The following UMODL1 variants were observed in gnomAD, a reference collection of about 807,000 sequenced individuals.
UMODL1 encodes uromodulin like 1, also known as uromodulin-like 1.
A neutral mutation model predicts 136.3 loss-of-function variants in UMODL1; 128 were observed. The ratio of observed to expected loss-of-function variants is 0.94; its 90% CI spans 0.81 to 1.09. UMODL1 has a LOEUF of 1.09. Ranked by LOEUF, UMODL1 falls within the 50% of genes least tolerant of loss-of-function variation. The pLI is 0.00. For missense variants in UMODL1, 1,766 were observed against 1,725.6 expected, an observed-to-expected ratio of 1.02 and a Z score of -0.41; for synonymous variants, 721 against 720.0, an observed-to-expected ratio of 1.00 and a Z score of -0.02.
chr21:42,128,459 C>T (rs1419014390), intron 20 of UMODL1, among the ~76,000 whole-genome samples: 1 of 152,174 alleles, frequency 6.6e-6, no homozygotes, highest in Non-Finnish European at 1.5e-5. Context: ...TGACCGAATG[C>T]TTCTCTCTCC....
At chr21:42,074,356 T>C (rs1041533658) in intron 1 of UMODL1, among the ~76,000 whole-genome samples, 1 of 152,236 alleles carries the variant, frequency 6.6e-6, no homozygotes, top group Non-Finnish European at 1.5e-5. Flanking sequence ...CCACTTTAAC[T>C]TGATACCCTC....
chr21:42,140,051 C>G (rs930249406), intron 22 of UMODL1, among the ~76,000 whole-genome samples: 2 of 152,130 alleles, frequency 1.3e-5, no homozygotes, highest in Non-Finnish European at 2.9e-5. Flanking sequence ...TCTCTGGGCC[C>G]CATTTCCTCA....
At chr21:42,088,817 G>C (rs111510648) in intron 5 of UMODL1, among the ~76,000 whole-genome samples, 1 of 151,874 alleles carries the variant, frequency 6.6e-6, no homozygotes, top group Non-Finnish European at 1.5e-5. Flanking sequence ...GGACACTGGA[G>C]TGCAAATCCC....
Position 42,109,637 on chromosome 21 carries a change from A to G in UMODL1, c.1595A>G (p.Tyr532Cys). 1 of 1,609,500 alleles carries G rather than the reference A, an allele frequency of 6.2e-7. No individual in the cohort carries two copies. The highest frequency in any genetic ancestry group is 8.5e-7 in the Non-Finnish European group (1 of 1,179,940). ...TGGTGCATCAACCTGGAGGGCTCCTACACCTGCCAGTGCCGTACCACCAGG... is the reference window on the plus strand; with the variant it reads ...TGGTGCATCAACCTGGAGGGCTCCTGCACCTGCCAGTGCCGTACCACCAGG... ...AAWCINLEGS[Y>C]TCQCRTTRDA... The change falls in exon 10 of 23, where the codon TAC becomes TGC. Residue 532 changes from tyrosine to cysteine, a missense_variant. Transcript: ENST00000408910.
intron 1 of UMODL1, among the ~76,000 whole-genome samples, chr21:42,075,453 C>T (rs2066279817): frequency 6.6e-6 from 1 of 152,176 alleles, no homozygotes; most frequent in African/African-American, 2.4e-5. Flanking sequence ...ACTTATCTTC[C>T]ACCTCATTGA....
chr21:42,076,679 G>C (rs560490928), intron 2 of UMODL1, among the ~76,000 whole-genome samples: 1 of 152,206 alleles, frequency 6.6e-6, no homozygotes, highest in Non-Finnish European at 1.5e-5. Flanking sequence ...CTGAGTGTGA[G>C]AGCCAGCACT....
At chr21:42,117,277 C>G (rs1254651866) in intron 14 of UMODL1, among the ~76,000 whole-genome samples, 1 of 152,238 alleles carries the variant, frequency 6.6e-6, no homozygotes, top group Non-Finnish European at 1.5e-5. Flanking sequence ...CATGTGTCAG[C>G]ACTGGATTCC....
intron 8 of UMODL1, chr21:42,103,453 C>T (rs2066662953): frequency 2.8e-6 from 1 of 356,608 alleles, no homozygotes; most frequent in Non-Finnish European, 5.6e-6. Flanking sequence ...GGGATACAGC[C>T]TAGTAAGAGG....
intron 2 of UMODL1, among the ~76,000 whole-genome samples, chr21:42,080,065 A>G (rs1601182294): frequency 6.6e-6 from 1 of 152,194 alleles, no homozygotes; most frequent in East Asian, 1.9e-4. Context: ...CAGAGACACC[A>G]TGCTGGTGGT....
rs1311155427 is a variant in UMODL1 at position 42,103,848 on chromosome 21, T to C, written c.1300-20T>C. 3 of 1,614,008 alleles carry C rather than the reference T, an allele frequency of 1.9e-6. No homozygotes were observed. On this transcript the variant is annotated intron_variant, in intron 8 of 22. Transcript: ENST00000408910. ...CGTGAAGACGTTGATGGATGTCTGC[T>C]GTTGCCTCTTCTTGGCTAGGTCGAG...
At chr21:42,069,987 C>G (rs2066215596), upstream of UMODL1, among the ~76,000 whole-genome samples, 1 of 152,170 alleles carries the variant, frequency 6.6e-6, no homozygotes. Context: ...TCCAAGGACA[C>G]CCGTTGTACG....
intron 2 of UMODL1, among the ~76,000 whole-genome samples, chr21:42,078,813 A>G (rs2066326094): frequency 6.6e-6 from 1 of 152,254 alleles, no homozygotes; most frequent in Admixed American, 6.5e-5. Context: ...GGCCACTGGC[A>G]GGACAAGCCT....
Position 42,076,155 on chromosome 21 carries a change from G to T in UMODL1, c.227G>T (p.Arg76Leu). ...PWRRCPKMVY[R>L]TQYLVVEVPE... The stretch of plus-strand genomic sequence containing the variant: ...AGGCGGTGCCCTAAGATGGTTTACC[G>T]GACACAGTACCTGGTAGTGGAGGTC... The change falls in exon 2 of 23, where the codon CGG becomes CTG. Residue 76 changes from arginine to leucine, a missense_variant. Transcript: ENST00000408910. The T allele has an allele frequency of 6.2e-7, 1 of 1,614,264 alleles. No individual in the cohort carries two copies. The highest frequency in any genetic ancestry group is 8.5e-7 in the Non-Finnish European group (1 of 1,180,046).
At chr21:42,116,660 A>C (rs1391493996) in intron 14 of UMODL1, among the ~76,000 whole-genome samples, 1 of 152,044 alleles carries the variant, frequency 6.6e-6, no homozygotes, top group African/African-American at 2.4e-5. Flanking sequence ...TATTTCACAG[A>C]CCATAAAATC....
chr21:42,070,539 T>C (rs139269515), upstream of UMODL1, among the ~76,000 whole-genome samples: 1 of 152,380 alleles, frequency 6.6e-6, no homozygotes, highest in East Asian at 1.9e-4. Flanking sequence ...TACAGAGTTG[T>C]CACTTTCATG....
intron 20 of UMODL1, among the ~76,000 whole-genome samples, chr21:42,128,489 C>G (rs952537464): frequency 1.3e-5 from 2 of 152,246 alleles, no homozygotes; most frequent in African/African-American, 4.8e-5. Context: ...GTGCTTGTTC[C>G]TGCTCTCATC....
intron 22 of UMODL1, among the ~76,000 whole-genome samples, chr21:42,140,460 G>A (rs1432941797): frequency 6.6e-6 from 1 of 152,108 alleles, no homozygotes; most frequent in African/African-American, 2.4e-5. Context: ...TGGCTGGGAG[G>A]TGGCCGAGCT....
At chr21:42,126,543 G>A in intron 18 of UMODL1, 53 bp downstream of exon 18, 1 of 1,612,360 alleles carries the variant, frequency 6.2e-7, no homozygotes. Context: ...CAGACCACCT[G>A]CGCTTTGAGA....
At chr21:42,109,776 C>T in intron 10 of UMODL1, 77 bp downstream of exon 10, 2 of 1,525,026 alleles carry the variant, frequency 1.3e-6, no homozygotes, top group Non-Finnish European at 1.8e-6. Flanking sequence ...GCCCAATTCT[C>T]CATAGGCACA....
Sources: gnomAD v4.1 joint callset for allele counts (sites outside exome capture counted in the v4.1 genomes callset) on GRCh38, gnomAD v4.1.1 for gene constraint, MANE v1.5 for transcripts, NCBI Gene and HGNC (gene_info 2026-07-23, HGNC 2026-07-21) for gene names.